The following CDH13 variants were observed in gnomAD, a reference collection of about 807,000 sequenced individuals.
CDH13 encodes cadherin-13.
In CDH13, 24 loss-of-function variants were observed where a neutral mutation model predicts 63.8. The ratio of observed to expected loss-of-function variants is 0.38; its 90% CI spans 0.27 to 0.53. The LOEUF (loss-of-function observed/expected upper bound fraction) is 0.53. Ranked by LOEUF, CDH13 falls within the 20% of genes least tolerant of loss-of-function variation. The pLI, the probability that CDH13 is intolerant of heterozygous loss-of-function variation, is 0.85. For missense variants in CDH13, 1,049 were observed against 903.1 expected, an observed-to-expected ratio of 1.16 and a Z score of -2.07; for synonymous variants, 503 against 355.3, an observed-to-expected ratio of 1.42 and a Z score of -4.67.
chr16:83,378,798 T>C (rs2091503255), intron 6 of CDH13, among the ~76,000 whole-genome samples: 1 of 152,182 alleles, frequency 6.6e-6, no homozygotes, highest in Admixed American at 6.5e-5. Context: ...AGTAGAACTG[T>C]CGTGACCATT....
intron 1 of CDH13, among the ~76,000 whole-genome samples, chr16:82,722,766 C>G (rs1346852443): frequency 6.6e-6 from 1 of 152,140 alleles, no homozygotes; most frequent in Non-Finnish European, 1.5e-5. Context: ...AATTCAGTTC[C>G]TATCCCCAAG....
intron 4 of CDH13, among the ~76,000 whole-genome samples, chr16:83,200,942 T>A (rs2039009981): frequency 6.7e-6 from 1 of 148,762 alleles, no homozygotes; most frequent in South Asian, 2.2e-4. Context: ...TGTGTGTGTG[T>A]GTGTGTGTGT....
intron 5 of CDH13, among the ~76,000 whole-genome samples, chr16:83,329,503 C>T (rs1285402202): frequency 1.3e-5 from 2 of 151,940 alleles, no homozygotes; most frequent in Non-Finnish European, 2.9e-5. Context: ...TCCCAAAGTG[C>T]CGGGATTACA....
intron 3 of CDH13, among the ~76,000 whole-genome samples, chr16:83,042,255 C>A (rs1917392527): frequency 6.6e-6 from 1 of 152,216 alleles, no homozygotes; most frequent in Admixed American, 6.5e-5. Context: ...AGCAAAGCTT[C>A]ATCTGTATTT....
At chr16:83,080,874 T>TTG (rs2033190203) in intron 3 of CDH13, among the ~76,000 whole-genome samples, 1 of 88,482 alleles carries the variant, frequency 1.1e-5, no homozygotes, top group Non-Finnish European at 2.2e-5. Context: ...TTTTTGTGTT[T>TTG]TTTTTTTTTT....
intron 7 of CDH13, among the ~76,000 whole-genome samples, chr16:83,520,084 A>G (rs566558079): frequency 6.6e-5 from 10 of 152,322 alleles, no homozygotes; most frequent in African/African-American, 2.4e-4. Context: ...TCAAGTGCTG[A>G]CAAGTATGTA....
intron 5 of CDH13, among the ~76,000 whole-genome samples, chr16:83,241,009 C>A (rs1379842714): frequency 6.6e-6 from 1 of 152,172 alleles, no homozygotes; most frequent in Non-Finnish European, 1.5e-5. Flanking sequence ...CTGATCTTAG[C>A]AACCATCTTC....
chr16:83,703,075 TC>T (rs1341094609), intron 10 of CDH13, among the ~76,000 whole-genome samples: 1 of 152,190 alleles, frequency 6.6e-6, no homozygotes, highest in East Asian at 1.9e-4. Flanking sequence ...AGAGCGTTCC[TC>T]CTTGGGTCAT....
intron 5 of CDH13, among the ~76,000 whole-genome samples, chr16:83,325,985 G>T (rs1023563269): frequency 6.6e-6 from 1 of 152,114 alleles, no homozygotes; most frequent in African/African-American, 2.4e-5. Flanking sequence ...GAGAAAAAAG[G>T]TGACATGAAC....
intron 7 of CDH13, among the ~76,000 whole-genome samples, chr16:83,595,362 C>T (rs1457781971): frequency 2.6e-5 from 4 of 152,204 alleles, no homozygotes; most frequent in Non-Finnish European, 4.4e-5. Context: ...ACCTTGTGTG[C>T]TGACTACTGG....
In CDH13 at chr16:83,056,600, T is replaced by C. The variant is rs142339003; in HGVS notation, c.366+24382T>C. ...CAACAGCAGGCAGAACTAACTAATC[T>C]CTGTTGAGCTATAGATGGTGATGTG... On this transcript the variant is annotated intron_variant, in intron 3 of 13. Transcript: ENST00000567109. Among the ~76,000 whole-genome samples, 39 of 152,246 alleles carry C rather than the reference T, an allele frequency of 2.6e-4. No individual in the cohort carries two copies. In the Middle Eastern group the frequency reaches 0.01, roughly 40 times the overall value.
chr16:83,144,101 C>T (rs2036647219), intron 4 of CDH13, among the ~76,000 whole-genome samples: 1 of 152,246 alleles, frequency 6.6e-6, no homozygotes, highest in Admixed American at 6.5e-5. Flanking sequence ...ATGAAATCGC[C>T]TGATTGGTCA....
intron 5 of CDH13, among the ~76,000 whole-genome samples, chr16:83,338,582 G>C (rs1042661896): frequency 3.3e-5 from 5 of 152,240 alleles, no homozygotes; most frequent in Admixed American, 6.5e-5. Flanking sequence ...GTGTTACAAA[G>C]CAAGGAGGCT....
At chr16:83,084,125 G>T (rs943014378) in intron 3 of CDH13, among the ~76,000 whole-genome samples, 1 of 152,150 alleles carries the variant, frequency 6.6e-6, no homozygotes, top group Admixed American at 6.5e-5. Context: ...GATGTTATAG[G>T]TAGCGCTCTT....
In CDH13 at chr16:83,670,967, G is replaced by A. The variant is rs1914447802; in HGVS notation, c.1279G>A (p.Val427Ile). The A allele has an allele frequency of 1.3e-6, 2 of 1,592,394 alleles. No individual in the cohort carries two copies. The change falls in exon 9 of 14, where the codon GTC becomes ATC. Residue 427 changes from valine to isoleucine, a missense_variant. By Grantham distance (29) the Val-to-Ile change is conservative. Transcript: ENST00000567109. ...AACCAACGAAGGGATGCTTTCTGTT[G>A]TCAAAGTAAGGGTGCTTCCAATTGC... is the stretch of plus-strand genomic sequence containing the variant. ...PQTNEGMLSV[V>I]KPLDYEISAF...
intron 1 of CDH13, among the ~76,000 whole-genome samples, chr16:82,658,999 C>T (rs1165994085): frequency 6.6e-6 from 1 of 152,102 alleles, no homozygotes; most frequent in African/African-American, 2.4e-5. Flanking sequence ...TGACTCTAAT[C>T]CCCTCCTGGC....
At chr16:82,931,366 A>G (rs2042484871) in intron 2 of CDH13, among the ~76,000 whole-genome samples, 1 of 152,222 alleles carries the variant, frequency 6.6e-6, no homozygotes, top group South Asian at 2.1e-4. Flanking sequence ...CAATGCTAAA[A>G]ATGCACATCT....
intron 1 of CDH13, among the ~76,000 whole-genome samples, chr16:82,767,500 T>A (rs1267542414): frequency 1.3e-5 from 2 of 152,228 alleles, no homozygotes; most frequent in African/African-American, 4.8e-5. Flanking sequence ...AAACAAATAT[T>A]TTTGTGTTTG....
intron 11 of CDH13, among the ~76,000 whole-genome samples, chr16:83,766,126 C>G (rs971937210): frequency 1.3e-5 from 2 of 152,180 alleles, no homozygotes; most frequent in Non-Finnish European, 2.9e-5. Flanking sequence ...CAAGGTCCCT[C>G]TCTATGTCCC....
Sources: gnomAD v4.1 joint callset for allele counts (sites outside exome capture counted in the v4.1 genomes callset) on GRCh38, gnomAD v4.1.1 for gene constraint, MANE v1.5 for transcripts, NCBI Gene and HGNC (gene_info 2026-07-23, HGNC 2026-07-21) for gene names.